PRKCI: variants seen among roughly 807,000 people sequenced by gnomAD.
PRKCI encodes the protein protein kinase C iota type.
PRKCI carries 43 observed loss-of-function variants against 84.0 expected under a neutral mutation model. The ratio of observed to expected loss-of-function variants is 0.51; its 90% CI spans 0.40 to 0.66. PRKCI has a LOEUF of 0.66. Among genes scored for constraint, PRKCI ranks in the 30% least tolerant of loss-of-function variants. The probability of loss-of-function intolerance (pLI) is 0.00; values close to 1 mark genes in which losing one functional copy is unlikely to be tolerated. For synonymous variants in PRKCI, 216 were observed against 234.4 expected, an observed-to-expected ratio of 0.92 and a Z score of 0.72; for missense variants, 459 against 745.6, an observed-to-expected ratio of 0.62 and a Z score of 4.48.
chr3:170,248,382 A>C (rs200270640), intron 2 of PRKCI, among the ~76,000 whole-genome samples: 1 of 64,692 alleles, frequency 1.5e-5, no homozygotes, highest in Non-Finnish European at 3.6e-5. Context: ...GGGGGGGGGA[A>C]AAAACCTGCT....
intron 15 of PRKCI, 73 bp from the exon 16 acceptor site, chr3:170,297,231 A>C: frequency 7.9e-7 from 1 of 1,259,574 alleles, no homozygotes; most frequent in Non-Finnish European, 1.2e-6. Flanking sequence ...AGGGCACACA[A>C]CACAGATCAC....
rs547541986 is a variant in PRKCI at position 170,298,291 on chromosome 3, G to A, written c.1588-704G>A. 1.8e-3 allele frequency among the ~76,000 whole-genome samples: 272 copies of A among 152,198 alleles called. 1 individual carries two copies. Among genetic ancestry groups the A allele is most frequent in the African/African-American group, 5.4e-3 (225 of 41,506 alleles). Reference sequence around the variant, plus strand: ...GTCTCAGTCCGTTGCCCAGGCTGTAGTGTAGCTCACGACAGCCTTGATTGA... The same window carrying A: ...GTCTCAGTCCGTTGCCCAGGCTGTAATGTAGCTCACGACAGCCTTGATTGA... On this transcript the variant is annotated intron_variant, in intron 16 of 17. Coordinates refer to ENST00000295797, the MANE Select transcript of PRKCI (RefSeq NM_002740.6).
At chr3:170,283,798 A>G (rs1293865836) in intron 11 of PRKCI, among the ~76,000 whole-genome samples, 2 of 152,238 alleles carry the variant, frequency 1.3e-5, no homozygotes, top group Non-Finnish European at 2.9e-5. Flanking sequence ...GTACCTCCAC[A>G]CATGATCATG....
intron 17 of PRKCI, among the ~76,000 whole-genome samples, chr3:170,299,328 A>T (rs1314690454): frequency 2.0e-5 from 3 of 152,082 alleles, no homozygotes; most frequent in African/African-American, 7.2e-5. Flanking sequence ...CCAGGTTCAA[A>T]TGATTCTCCT....
intron 6 of PRKCI, 143 bp downstream of exon 6, chr3:170,270,704 T>A: frequency 9.3e-7 from 1 of 1,078,662 alleles, no homozygotes; most frequent in Non-Finnish European, 1.3e-6. Context: ...ATACCTTACG[T>A]TACTGTTAAC....
At chr3:170,227,563 G>A (rs1259991298) in intron 1 of PRKCI, among the ~76,000 whole-genome samples, 1 of 152,180 alleles carries the variant, frequency 6.6e-6, no homozygotes, top group East Asian at 1.9e-4. Context: ...ATGATGTTAG[G>A]TGGGTGTTAT....
At chr3:170,262,476 G>GT (rs1733751296) in intron 3 of PRKCI, among the ~76,000 whole-genome samples, 2 of 151,948 alleles carry the variant, frequency 1.3e-5, no homozygotes, top group Admixed American at 6.6e-5. Flanking sequence ...TTTTTGTTTT[G>GT]TTTTGTTTTT....
chr3:170,263,514 G>A, intron 4 of PRKCI, 85 bp downstream of exon 4: 1 of 1,230,702 alleles, frequency 8.1e-7, no homozygotes, highest in Non-Finnish European at 1.2e-6. Flanking sequence ...AGAATTTTTA[G>A]CTAGGTGCAG....
intron 8 of PRKCI, among the ~76,000 whole-genome samples, chr3:170,278,911 T>G (rs1734180365): frequency 6.6e-6 from 1 of 152,226 alleles, no homozygotes; most frequent in Non-Finnish European, 1.5e-5. Flanking sequence ...AAGCCATTCA[T>G]GAGGAATCTG....
chr3:170,267,897 C>A lies in PRKCI; in HGVS notation c.365-18C>A. ...AACTTGCTCTTTTTTCTTTTTTTAA[C>A]TATTACTCTGTCTTCAGAATCCATC... On this transcript the variant is annotated intron_variant, in intron 4 of 17. Coordinates refer to ENST00000295797, the MANE Select transcript of PRKCI (RefSeq NM_002740.6). 6.5e-7 allele frequency: 1 copy of A among 1,545,104 alleles called. No homozygotes were observed. Among genetic ancestry groups the A allele is most frequent in the Non-Finnish European group, 8.8e-7 (1 of 1,140,668 alleles).
intron 8 of PRKCI, among the ~76,000 whole-genome samples, chr3:170,277,849 T>G (rs972796042): frequency 1.4e-4 from 22 of 152,348 alleles, no homozygotes; most frequent in African/African-American, 3.4e-4. Context: ...GTATATTTGT[T>G]TTTTTAAACA....
chr3:170,276,872 C>T (rs949372698), intron 8 of PRKCI, among the ~76,000 whole-genome samples: 3 of 151,990 alleles, frequency 2.0e-5, no homozygotes, highest in Non-Finnish European at 4.4e-5. Context: ...AAAATAGTCA[C>T]AAACTATACA....
chr3:170,268,115 A>G, intron 5 of PRKCI, 115 bp downstream of exon 5: 1 of 757,372 alleles, frequency 1.3e-6, no homozygotes, highest in Non-Finnish European at 2.1e-6. Flanking sequence ...ATACATAAGT[A>G]GCATGACCTT....
At chr3:170,232,393 TC>T (rs1472744167) in intron 1 of PRKCI, among the ~76,000 whole-genome samples, 1 of 151,690 alleles carries the variant, frequency 6.6e-6, no homozygotes, top group Non-Finnish European at 1.5e-5. Context: ...TGAGTCAGTG[TC>T]TTCCTCCATC....
chr3:170,281,436 G>T (rs1227311767), intron 10 of PRKCI, 173 bp downstream of exon 10: 1 of 579,098 alleles, frequency 1.7e-6, no homozygotes, highest in Non-Finnish European at 3.0e-6. Context: ...TTTGATATTA[G>T]ATCAGCATTA....
intron 4 of PRKCI, among the ~76,000 whole-genome samples, chr3:170,263,645 A>T (rs531249730): frequency 6.6e-6 from 1 of 152,092 alleles, no homozygotes; most frequent in South Asian, 2.1e-4. Context: ...TTCCAAAAAC[A>T]CACAAAAAAA....
chr3:170,238,580 T>C (rs1378246570), intron 2 of PRKCI, among the ~76,000 whole-genome samples: 9 of 151,176 alleles, frequency 6.0e-5, no homozygotes, highest in Non-Finnish European at 1.3e-4. Flanking sequence ...CAATATATAA[T>C]GAACATTTCT....
intron 3 of PRKCI, 92 bp from the exon 4 acceptor site, chr3:170,263,287 G>T (rs1733780099): frequency 9.6e-7 from 1 of 1,037,674 alleles, no homozygotes; most frequent in Non-Finnish European, 1.5e-6. Context: ...GTTGAAATCT[G>T]GGTCAGTTTC....
At chr3:170,226,700 G>C (rs1732635489) in intron 1 of PRKCI, among the ~76,000 whole-genome samples, 1 of 152,130 alleles carries the variant, frequency 6.6e-6, no homozygotes, top group Admixed American at 6.6e-5. Context: ...ACAAGTCTTG[G>C]CAAGACTTGT....
Sources: gnomAD v4.1 joint callset for allele counts (sites outside exome capture counted in the v4.1 genomes callset) on GRCh38, gnomAD v4.1.1 for gene constraint, MANE v1.5 for transcripts, NCBI Gene and HGNC (gene_info 2026-07-23, HGNC 2026-07-21) for gene names.